Variants in TECRL observed in about 807,000 individuals in gnomAD.
TECRL encodes the protein trans-2,3-enoyl-CoA reductase like, also known as trans-2,3-enoyl-CoA reductase-like.
In TECRL, 63 loss-of-function variants were observed where a neutral mutation model predicts 52.8. The ratio of observed to expected loss-of-function variants is 1.19; its 90% CI spans 0.97 to 1.47. TECRL has a LOEUF of 1.47. TECRL is among the 40% of genes most tolerant of loss of function. The pLI is 0.00. For synonymous variants in TECRL, 164 were observed against 141.9 expected (o/e 1.16, Z -1.10); for missense variants, 482 against 429.6 (o/e 1.12, Z -1.08).
chr4:64,396,845 G>A (rs1298357708), intron 1 of TECRL, among the ~76,000 whole-genome samples: 1 of 152,062 alleles, frequency 6.6e-6, no homozygotes, highest in Non-Finnish European at 1.5e-5. Context: ...GCGACAGGAA[G>A]GTGTCCAGTT....
intron 1 of TECRL, among the ~76,000 whole-genome samples, chr4:64,380,929 G>A (rs78541361): frequency 6.6e-6 from 1 of 152,002 alleles, no homozygotes; most frequent in African/African-American, 2.4e-5. Flanking sequence ...ATTTTGTAAA[G>A]AACGTCATTG....
intron 8 of TECRL, among the ~76,000 whole-genome samples, chr4:64,296,201 A>C (rs1723672054): frequency 6.6e-6 from 1 of 151,878 alleles, no homozygotes; most frequent in South Asian, 2.1e-4. Context: ...AAATTTCATA[A>C]GCAGTTTCTT....
intron 7 of TECRL, among the ~76,000 whole-genome samples, chr4:64,300,463 A>G (rs956544722): frequency 2.7e-5 from 4 of 150,764 alleles, no homozygotes; most frequent in Non-Finnish European, 6.0e-5. Context: ...TTTTTATTAT[A>G]ACAAATATAT....
chr4:64,307,859 A>AGG (rs1359527183), intron 6 of TECRL, among the ~76,000 whole-genome samples: 1 of 152,220 alleles, frequency 6.6e-6, no homozygotes, highest in Admixed American at 6.5e-5. Flanking sequence ...ACCAGAGACA[A>AGG]GGGAAGGCCT....
intron 5 of TECRL, among the ~76,000 whole-genome samples, chr4:64,313,735 C>T (rs1387100815): frequency 6.6e-6 from 1 of 150,720 alleles, no homozygotes; most frequent in Admixed American, 6.6e-5. Context: ...CCCGCCTAGG[C>T]CTCCCAAAGT....
At chr4:64,378,704 A>T (rs990574593) in intron 1 of TECRL, among the ~76,000 whole-genome samples, 1 of 152,044 alleles carries the variant, frequency 6.6e-6, no homozygotes, top group Non-Finnish European at 1.5e-5. Flanking sequence ...GAATAGCAAG[A>T]ATTTTCACTA....
chr4:64,339,377 C>G (rs113420347), intron 2 of TECRL, among the ~76,000 whole-genome samples: 4,428 of 151,626 alleles, frequency 0.029, 106 homozygotes, highest in African/African-American at 0.064. Flanking sequence ...ACCAACATGG[C>G]ACATGTATAC....
intron 1 of TECRL, among the ~76,000 whole-genome samples, chr4:64,394,232 T>C (rs1242226838): frequency 6.6e-6 from 1 of 152,156 alleles, no homozygotes; most frequent in Non-Finnish European, 1.5e-5. Context: ...CAGATAATAA[T>C]AAAAATTTCC....
chr4:64,357,074 CCT>C (rs1348205881), intron 2 of TECRL, among the ~76,000 whole-genome samples: 1 of 152,192 alleles, frequency 6.6e-6, no homozygotes, highest in Non-Finnish European at 1.5e-5. Context: ...ATAACTGAGA[CCT>C]ATATATTAAA....
chr4:64,356,535 A>G (rs915376784), intron 2 of TECRL, among the ~76,000 whole-genome samples: 2 of 152,202 alleles, frequency 1.3e-5, no homozygotes, highest in African/African-American at 4.8e-5. Context: ...GGAGAGAAAC[A>G]TGAATCTGGC....
chr4:64,305,133 G>C (rs887779524), intron 7 of TECRL, 33 bp downstream of exon 7: 3 of 1,531,168 alleles, frequency 2.0e-6, no homozygotes, highest in Non-Finnish European at 2.7e-6. Context: ...TGGTCCTTTA[G>C]TATACGGTTA....
At chr4:64,352,780 A>G (rs1292401213) in intron 2 of TECRL, among the ~76,000 whole-genome samples, 1 of 152,264 alleles carries the variant, frequency 6.6e-6, no homozygotes, top group South Asian at 2.1e-4. Context: ...AAAATATCAG[A>G]TTCAAAGTAT....
intron 1 of TECRL, among the ~76,000 whole-genome samples, chr4:64,408,611 T>A (rs1325147087): frequency 6.6e-6 from 1 of 152,060 alleles, no homozygotes; most frequent in Non-Finnish European, 1.5e-5. Context: ...AGGTAGTCAC[T>A]TTTTAAGAAA....
At chr4:64,280,990 A>T (rs1225151779) in intron 11 of TECRL, 51 bp downstream of exon 11, 3 of 1,369,480 alleles carry the variant, frequency 2.2e-6, no homozygotes, top group South Asian at 2.6e-5. Flanking sequence ...GAAACCATTT[A>T]TCTTAAAGAT....
intron 1 of TECRL, among the ~76,000 whole-genome samples, chr4:64,401,915 C>T (rs1724384972): frequency 6.6e-6 from 1 of 152,030 alleles, no homozygotes; most frequent in African/African-American, 2.4e-5. Context: ...GTTAGCATTT[C>T]TTTGTTTACC....
chr4:64,395,680 AT>A (rs1387697379), intron 1 of TECRL, among the ~76,000 whole-genome samples: 4 of 152,158 alleles, frequency 2.6e-5, no homozygotes, highest in African/African-American at 9.7e-5. Context: ...TTTAATTTTT[AT>A]TGTAGGTTGA....
chr4:64,339,740 C>G (rs945717829), intron 2 of TECRL, among the ~76,000 whole-genome samples: 2 of 152,086 alleles, frequency 1.3e-5, no homozygotes, highest in African/African-American at 2.4e-5. Flanking sequence ...TGCACTACCC[C>G]CAAACTAGAG....
chr4:64,307,888 G>A (rs1188927033), intron 6 of TECRL, among the ~76,000 whole-genome samples: 1 of 152,152 alleles, frequency 6.6e-6, no homozygotes, highest in Non-Finnish European at 1.5e-5. Context: ...TGGAAAGACA[G>A]CAGTACCGTT....
intron 7 of TECRL, among the ~76,000 whole-genome samples, chr4:64,303,546 A>C (rs1348932902): frequency 6.6e-6 from 1 of 151,794 alleles, no homozygotes; most frequent in Non-Finnish European, 1.5e-5. Flanking sequence ...TTTGCTGAGT[A>C]AATTTGGAAA....
Sources: allele counts gnomAD v4.1 joint callset (sites outside exome capture counted in the v4.1 genomes callset), GRCh38; gene constraint gnomAD v4.1.1; transcripts MANE v1.5; gene names NCBI Gene and HGNC (gene_info 2026-07-23, HGNC 2026-07-21).